The following BFAR variants were observed in gnomAD, a reference collection of about 807,000 sequenced individuals.
The protein encoded by BFAR is RING finger protein 47.
In BFAR, 52 loss-of-function variants were observed where a neutral mutation model predicts 54.4. The ratio of observed to expected loss-of-function variants is 0.96; its 90% confidence interval spans 0.77 to 1.21. The LOEUF is 1.21. Among genes scored for constraint, BFAR ranks in the 50% most tolerant of loss-of-function variants. The pLI, the probability that BFAR is intolerant of heterozygous loss-of-function variation, is 0.00. For missense variants in BFAR, 571 were observed against 534.0 expected (o/e 1.07, Z -0.68); for synonymous variants, 215 against 204.3 (o/e 1.05, Z -0.45).
chr16:14,650,751 AT>A (rs1270523378), intron 4 of BFAR, among the ~76,000 whole-genome samples: 1 of 152,124 alleles, frequency 6.6e-6, no homozygotes, highest in African/African-American at 2.4e-5. Context: ...GTTGATGGAC[AT>A]TTGGGCTGAT....
At position 14,662,070 on chromosome 16, in the gene BFAR, G is replaced by A; in HGVS notation, c.957+5G>A. ...GACATCGTCACCAAGCTTCTGGTAG[G>A]TCTGCACAGTGCCTGGAATAAAGTT... On this transcript the variant is annotated splice_donor_5th_base_variant and intron_variant, in intron 6 of 7. Transcript: ENST00000261658. 1 of 1,613,998 alleles carries A rather than the reference G, an allele frequency of 6.2e-7. No homozygotes were observed. The highest frequency in any genetic ancestry group is 1.1e-5 in the South Asian group (1 of 91,080).
chr16:14,638,196 A>C (rs1294137718), intron 1 of BFAR, among the ~76,000 whole-genome samples: 1 of 152,170 alleles, frequency 6.6e-6, no homozygotes, highest in African/African-American at 2.4e-5. Flanking sequence ...CATCATGGAC[A>C]ACTTAACAAG....
chr16:14,642,706 C>T (rs1959665665), intron 1 of BFAR, among the ~76,000 whole-genome samples: 1 of 152,142 alleles, frequency 6.6e-6, no homozygotes, highest in South Asian at 2.1e-4. Context: ...GAATTGCTCG[C>T]ATTAGAGCCT....
chr16:14,662,954 G>A (rs905487993), intron 6 of BFAR, among the ~76,000 whole-genome samples: 39 of 152,142 alleles, frequency 2.6e-4, no homozygotes, highest in Admixed American at 1.8e-3. Context: ...AATGGAGCAA[G>A]CAGTGGGATA....
Position 14,643,398 on chromosome 16 carries a change from A to G in BFAR, c.-73-876A>G, listed in dbSNP as rs184720197. On this transcript the variant is annotated intron_variant, in intron 1 of 7. Coordinates refer to ENST00000261658, the MANE Select transcript of BFAR (RefSeq NM_016561.3). ...AGTTAGTGAAGGAGAATGATCCAGA[A>G]ATCTCTGCCCACATCCTTCGAGTCT... Among the ~76,000 whole-genome samples, 442 of 152,334 alleles carry G rather than the reference A, an allele frequency of 2.9e-3. 3 individuals carry two copies. The highest frequency in any genetic ancestry group is 9.9e-3 in the African/African-American group (412 of 41,580).
chr16:14,644,752 C>T (rs778887853), intron 2 of BFAR, 143 bp downstream of exon 2: 41 of 1,050,432 alleles, frequency 3.9e-5, no homozygotes, highest in Non-Finnish European at 5.5e-5. Context: ...AGTGATCCTC[C>T]CACTTCAGCC....
rs1220414726 is a variant in BFAR at position 14,667,632 on chromosome 16, C to T, written c.1161-3C>T. 1 of 1,612,856 alleles carries T rather than the reference C, an allele frequency of 6.2e-7. No homozygotes were observed. Among genetic ancestry groups the T allele is most frequent in the East Asian group, 2.2e-5 (1 of 44,886 alleles). On this transcript the variant is annotated splice_polypyrimidine_tract_variant and splice_region_variant and intron_variant, in intron 7 of 7. Transcript: ENST00000261658. ...GATTCAGCCTCTTCTCTTCTTGTTT[C>T]AGGACCGTGCCTCAGAGGATGTGGA...
At position 14,667,866 on chromosome 16, in the gene BFAR, A is replaced by T. The variant is rs761925480; in HGVS notation, c.*39A>T. 3 of 1,583,982 alleles carry T rather than the reference A, an allele frequency of 1.9e-6. No individual in the cohort carries two copies. The highest frequency in any genetic ancestry group is 2.6e-6 in the Non-Finnish European group (3 of 1,155,162). ...GGCTGAGACTCTTCAAGTCCCGCTG[A>T]CGTCTGAGCTTTGATGCTTAAGAGG... On this transcript the variant is annotated 3_prime_UTR_variant, in exon 8 of 8. Coordinates refer to ENST00000261658, the MANE Select transcript of BFAR (RefSeq NM_016561.3).
chr16:14,662,814 G>T (rs1303079222), intron 6 of BFAR, among the ~76,000 whole-genome samples: 1 of 152,138 alleles, frequency 6.6e-6, no homozygotes, highest in East Asian at 1.9e-4. Flanking sequence ...AGTTAAAGAA[G>T]GAAGGGATTT....
At chr16:14,635,232 G>C (rs1175159758) in intron 1 of BFAR, among the ~76,000 whole-genome samples, 6 of 152,152 alleles carry the variant, frequency 3.9e-5, no homozygotes, top group Admixed American at 1.3e-4. Context: ...CTACTTGTGA[G>C]GCTGAGAAAC....
intron 7 of BFAR, 25 bp downstream of exon 7, chr16:14,665,096 C>A: frequency 6.4e-7 from 1 of 1,571,986 alleles, no homozygotes. Flanking sequence ...ATGGTTGTCA[C>A]AACAGGGGAT....
intron 1 of BFAR, among the ~76,000 whole-genome samples, chr16:14,639,719 CAGTT>C (rs547764396): frequency 3.9e-5 from 6 of 152,292 alleles, no homozygotes; most frequent in Non-Finnish European, 5.9e-5. Context: ...TATACTTTGT[CAGTT>C]AGGCATGTCT....
rs539823348 is a variant in BFAR, at chr16:14,635,752, TTCTC to T, written c.-74+2740_-74+2743del. 5.9e-5 allele frequency among the ~76,000 whole-genome samples: 9 copies of T among 152,006 alleles called. No homozygotes were observed. The South Asian group carries it at 8.3e-4, about 14-fold the overall frequency. Reference sequence around the variant, plus strand: ...TTATACAGTAAGTGACTGGAAATGCTTCTCTCTCTTTTTTTTTTTTTAAGATGGA... The same window carrying T: ...TTATACAGTAAGTGACTGGAAATGCTTCTCTTTTTTTTTTTTTAAGATGGA... On this transcript the variant is annotated intron_variant, in intron 1 of 7. Coordinates refer to ENST00000261658, the MANE Select transcript of BFAR (RefSeq NM_016561.3).
rs760443898 is a variant in BFAR at position 14,648,563 on chromosome 16, G to T, written c.439G>T (p.Gly147Cys). The T allele has an allele frequency of 6.2e-7, 1 of 1,613,900 alleles. No homozygotes were observed. The highest frequency in any genetic ancestry group is 1.1e-5 in the South Asian group (1 of 91,072). Residue 147 changes from glycine (G) to cysteine (C), a missense_variant, in exon 3 of 8, where the codon GGT (glycine) becomes TGT (cysteine). By Grantham distance (159) the Gly-to-Cys change is radical (BLOSUM62 -3). Coordinates refer to ENST00000261658, the MANE Select transcript of BFAR (RefSeq NM_016561.3). ...GCAGATGGGAGGGGGATTCTTTTCCGGTGTGCTCACAGCTTTAACTGGAGT... is the reference window on the plus strand; with the variant it reads ...GCAGATGGGAGGGGGATTCTTTTCCTGTGTGCTCACAGCTTTAACTGGAGT... ...NQQMGGGFFS[G>C]VLTALTGVAV... is the part of the protein sequence containing the mutation.
chr16:14,654,257 C>T (rs940574500), intron 4 of BFAR, among the ~76,000 whole-genome samples: 2 of 151,572 alleles, frequency 1.3e-5, no homozygotes, highest in African/African-American at 2.4e-5. Flanking sequence ...GTGATCTGCC[C>T]GCCTCGGCCT....
chr16:14,653,891 G>C (rs1487922295), intron 4 of BFAR, among the ~76,000 whole-genome samples: 1 of 150,540 alleles, frequency 6.6e-6, no homozygotes, highest in Non-Finnish European at 1.5e-5. Context: ...TGGAGAGACA[G>C]GGTCTCACTG....
At chr16:14,658,326 AACTTTCTGTC>A (rs1281443471) in intron 5 of BFAR, among the ~76,000 whole-genome samples, 2 of 152,134 alleles carry the variant, frequency 1.3e-5, no homozygotes, top group Admixed American at 6.6e-5. Flanking sequence ...TATGCAAAGG[AACTTTCTGTC>A]CCCTTGGCTG....
rs1301420015 is a variant in BFAR, at chr16:14,644,274, A to G, written c.-73A>G. The G allele has an allele frequency of 7.0e-7, 1 of 1,430,650 alleles. No individual in the cohort carries two copies. Among genetic ancestry groups the G allele is most frequent in the East Asian group, 2.3e-5 (1 of 43,684 alleles). 88.6% of individuals were successfully genotyped at this position (1,430,650 alleles called of 1,614,324 possible). On this transcript the variant is annotated splice_region_variant and 5_prime_UTR_variant, in exon 2 of 8. Coordinates refer to ENST00000261658, the MANE Select transcript of BFAR (RefSeq NM_016561.3). ...TTTTGTCTCTGTTTTTTTTTTCTAG[A>G]TTAATGATGTTTTGCAGCAGTTTTC...
chr16:14,637,437 C>A (rs998672566), intron 1 of BFAR, among the ~76,000 whole-genome samples: 1 of 152,118 alleles, frequency 6.6e-6, no homozygotes, highest in African/African-American at 2.4e-5. Context: ...TGGCTCTGCC[C>A]TTTACTAGTT....
Sources: allele counts gnomAD v4.1 joint callset (sites outside exome capture counted in the v4.1 genomes callset), GRCh38; gene constraint gnomAD v4.1.1; transcripts MANE v1.5; gene names NCBI Gene and HGNC (gene_info 2026-07-23, HGNC 2026-07-21).